The following MAGI2 variants were observed in gnomAD, a reference collection of about 807,000 sequenced individuals.
MAGI2 encodes membrane-associated guanylate kinase, WW and PDZ domain-containing protein 2.
MAGI2 carries 35 observed loss-of-function variants against 133.3 expected under a neutral mutation model. The observed-to-expected ratio is 0.26, with a 90% CI of 0.20 to 0.35. MAGI2 has a LOEUF of 0.35. Ranked by LOEUF, MAGI2 falls within the 10% of genes least tolerant of loss-of-function variation. The pLI, the probability that MAGI2 is intolerant of heterozygous loss-of-function variation, is 1.00. For synonymous variants in MAGI2, 729 were observed against 710.6 expected, an observed-to-expected ratio of 1.03 and a Z score of -0.41; for missense variants, 1,636 against 1,863.4, an observed-to-expected ratio of 0.88 and a Z score of 2.25.
intron 1 of MAGI2, among the ~76,000 whole-genome samples, chr7:79,326,269 A>G (rs551450344): frequency 6.6e-6 from 1 of 152,280 alleles, no homozygotes; most frequent in Non-Finnish European, 1.5e-5. Flanking sequence ...TGACGCTTGC[A>G]TGGTCAGTTC....
chr7:78,672,653 G>A (rs536481200), intron 2 of MAGI2, among the ~76,000 whole-genome samples: 51 of 152,184 alleles, frequency 3.4e-4, no homozygotes, highest in Non-Finnish European at 6.5e-4. Flanking sequence ...TTAAATAGCA[G>A]TTCTCAAAGT....
In MAGI2 at chr7:78,057,582, G is replaced by T. The variant is rs10252417; in HGVS notation, c.3706+21365C>A. ...TCTCACTGGGATTTTGATTTGCATT[G>T]CCCTGATAACTGGTGATATCAAACC... On this transcript the variant is annotated intron_variant, in intron 21 of 21. Transcript: ENST00000354212. Among the ~76,000 whole-genome samples, 1,038 of 152,190 alleles carry T rather than the reference G, an allele frequency of 6.8e-3. 8 individuals are homozygous for T. The highest frequency in any genetic ancestry group is 0.023 in the African/African-American group (969 of 41,500).
intron 1 of MAGI2, among the ~76,000 whole-genome samples, chr7:79,416,729 T>C (rs1310358791): frequency 1.0e-4 from 14 of 135,730 alleles, no homozygotes; most frequent in Admixed American, 2.9e-4. Context: ...CTTTTTCTTT[T>C]TCTTTTTTTT....
chr7:78,947,201 G>T (rs1801490146), intron 2 of MAGI2, among the ~76,000 whole-genome samples: 1 of 151,934 alleles, frequency 6.6e-6, no homozygotes, highest in South Asian at 2.1e-4. Context: ...AATAAGGATG[G>T]AGCGTTCACT....
intron 2 of MAGI2, among the ~76,000 whole-genome samples, chr7:78,894,559 A>G (rs1797053106): frequency 6.6e-6 from 1 of 152,208 alleles, no homozygotes; most frequent in Non-Finnish European, 1.5e-5. Flanking sequence ...AGAATGATTA[A>G]TGGTAACACA....
At chr7:79,179,392 A>G (rs1002746056) in intron 1 of MAGI2, among the ~76,000 whole-genome samples, 2 of 152,012 alleles carry the variant, frequency 1.3e-5, no homozygotes, top group Admixed American at 6.6e-5. Flanking sequence ...TATCAAAATA[A>G]TGTGTCACTT....
chr7:78,807,483 T>A lies in MAGI2; in HGVS notation c.419-180244A>T, dbSNP rs138773132. ...TCATTCAGTCTGTTGCAATATCACATGTCATATAGCCCCTGGAAAAGTCCA... is the reference window on the plus strand; with the variant it reads ...TCATTCAGTCTGTTGCAATATCACAAGTCATATAGCCCCTGGAAAAGTCCA... On this transcript the variant is annotated intron_variant, in intron 2 of 21. Coordinates refer to ENST00000354212, the MANE Select transcript of MAGI2 (RefSeq NM_012301.4). 8.5e-4 allele frequency among the ~76,000 whole-genome samples: 129 copies of A among 152,272 alleles called. 1 individual carries two copies. The Middle Eastern group carries it at 0.01, about 12-fold the overall frequency.
chr7:78,996,460 G>T (rs1183821294), intron 2 of MAGI2, among the ~76,000 whole-genome samples: 1 of 152,108 alleles, frequency 6.6e-6, no homozygotes, highest in Non-Finnish European at 1.5e-5. Context: ...TAAATGGTGA[G>T]AACTTAGGGA....
intron 6 of MAGI2, among the ~76,000 whole-genome samples, chr7:78,467,059 C>T (rs1178032453): frequency 1.3e-5 from 2 of 152,090 alleles, no homozygotes; most frequent in South Asian, 4.1e-4. Flanking sequence ...AACTGAGGCA[C>T]AATGAAGTCA....
intron 2 of MAGI2, among the ~76,000 whole-genome samples, chr7:78,862,097 A>C (rs534141308): frequency 6.6e-6 from 1 of 152,360 alleles, no homozygotes; most frequent in African/African-American, 2.4e-5. Context: ...ATGCTAAAGC[A>C]ATCTATGTAT....
chr7:79,162,515 A>C lies in MAGI2; in HGVS notation c.302-155309T>G, dbSNP rs369434088. Among the ~76,000 whole-genome samples the C allele has an allele frequency of 5.9e-5, 9 of 152,158 alleles. No homozygotes were observed. In the South Asian group the frequency reaches 1.0e-3, roughly 18 times the overall value. On this transcript the variant is annotated intron_variant, in intron 1 of 21. Coordinates refer to ENST00000354212, the MANE Select transcript of MAGI2 (RefSeq NM_012301.4). ...ATTAGGTCAAGGTCAAACCCTGCAAATCAAGAAGGGATACAAAGATGCCTA... is the reference window on the plus strand; with the variant it reads ...ATTAGGTCAAGGTCAAACCCTGCAACTCAAGAAGGGATACAAAGATGCCTA...
intron 3 of MAGI2, among the ~76,000 whole-genome samples, chr7:78,555,942 A>C (rs146395582): frequency 6.6e-6 from 1 of 152,340 alleles, no homozygotes; most frequent in East Asian, 1.9e-4. Flanking sequence ...ATAATGCAAA[A>C]TGTTTTGAGA....
At chr7:78,917,671 A>G (rs1324818912) in intron 2 of MAGI2, among the ~76,000 whole-genome samples, 2 of 152,070 alleles carry the variant, frequency 1.3e-5, no homozygotes, top group African/African-American at 4.8e-5. Flanking sequence ...GCCCCACAAG[A>G]CTGCCCTCAG....
In MAGI2 at chr7:78,111,174, A is replaced by G. The variant is rs574619479; in HGVS notation, c.3567+14520T>C. ...GAAATTGTAATTTATTCTCAGGCAA[A>G]GACAGAAAAATTACGGTTAAGCTTA... On this transcript the variant is annotated intron_variant, in intron 20 of 21. Transcript: ENST00000354212. Among the ~76,000 whole-genome samples the G allele has an allele frequency of 3.9e-5, 6 of 152,354 alleles. No individual in the cohort carries two copies. In the South Asian group the frequency reaches 1.2e-3, roughly 32 times the overall value.
chr7:79,355,147 C>T (rs1487333448), intron 1 of MAGI2, among the ~76,000 whole-genome samples: 1 of 152,158 alleles, frequency 6.6e-6, no homozygotes. Flanking sequence ...ACCAGGACTT[C>T]GTTCCTGCCA....
At chr7:78,137,071 G>C (rs1295400173) in intron 16 of MAGI2, among the ~76,000 whole-genome samples, 1 of 151,584 alleles carries the variant, frequency 6.6e-6, no homozygotes, top group African/African-American at 2.4e-5. Flanking sequence ...TTTTCAAGTA[G>C]AAATATAAGA....
intron 1 of MAGI2, among the ~76,000 whole-genome samples, chr7:79,242,470 G>T (rs927783096): frequency 1.2e-4 from 19 of 152,214 alleles, no homozygotes; most frequent in African/African-American, 4.1e-4. Context: ...CATTCTCAAT[G>T]ACTAGGTTAA....
intron 1 of MAGI2, among the ~76,000 whole-genome samples, chr7:79,129,337 G>C (rs983455777): frequency 2.6e-5 from 4 of 152,292 alleles, no homozygotes; most frequent in African/African-American, 9.6e-5. Context: ...GCACCATCAT[G>C]CCATCCAAAA....
At chr7:79,191,476 T>C (rs1827667623) in intron 1 of MAGI2, among the ~76,000 whole-genome samples, 1 of 127,394 alleles carries the variant, frequency 7.8e-6, no homozygotes, top group African/African-American at 2.9e-5. Context: ...TGAAATGCAA[T>C]GGCACAATCA....
Sources: allele counts gnomAD v4.1 joint callset (sites outside exome capture counted in the v4.1 genomes callset), GRCh38; gene constraint gnomAD v4.1.1; transcripts MANE v1.5; gene names NCBI Gene and HGNC (gene_info 2026-07-23, HGNC 2026-07-21).